GTF3C1: variants seen among roughly 807,000 people sequenced by gnomAD.
GTF3C1 encodes the protein general transcription factor IIIC subunit 1.
In GTF3C1, 57 loss-of-function variants were observed where a neutral mutation model predicts 226.7. The observed-to-expected ratio is 0.25, with a 90% CI of 0.20 to 0.31. The LOEUF (loss-of-function observed/expected upper bound fraction) is 0.31. Ranked by LOEUF, GTF3C1 falls within the 10% of genes least tolerant of loss-of-function variation. The pLI is 1.00. For missense variants in GTF3C1, 2,217 were observed against 2,776.1 expected, an observed-to-expected ratio of 0.80 and a Z score of 4.53; for synonymous variants, 1,090 against 1,084.8, an observed-to-expected ratio of 1.00 and a Z score of -0.09.
chr16:27,529,775 G>A lies in GTF3C1; in HGVS notation c.850-1054C>T, dbSNP rs571227628. The stretch of plus-strand genomic sequence containing the variant: ...CAGTGAACAGAAGCCTTGATCAGCT[G>A]CTCTTCAGCAGGGCCCACCCGGTTC... On this transcript the variant is annotated intron_variant, in intron 5 of 36. Coordinates refer to ENST00000356183, the MANE Select transcript of GTF3C1 (RefSeq NM_001520.4). 5.3e-5 allele frequency among the ~76,000 whole-genome samples: 8 copies of A among 152,196 alleles called. No individual in the cohort carries two copies. In the South Asian group the frequency reaches 1.7e-3, roughly 32 times the overall value.
chr16:27,484,628 G>A lies in GTF3C1; in HGVS notation c.3859-275C>T, dbSNP rs894219211. ...GTGACAAAGGTGCCCAACGGGGCGG[G>A]GGGGAACTGCCTGAAAGGGCGCTGT... On this transcript the variant is annotated intron_variant, in intron 24 of 36. Transcript: ENST00000356183. Among the ~76,000 whole-genome samples, 4 of 152,358 alleles carry A rather than the reference G, an allele frequency of 2.6e-5. No homozygotes were observed. In the East Asian group the frequency reaches 7.7e-4, roughly 29 times the overall value.
At chr16:27,503,424 A>T in intron 10 of GTF3C1, among the ~76,000 whole-genome samples, 1 of 152,196 alleles carries the variant, frequency 6.6e-6, no homozygotes, top group East Asian at 1.9e-4. Flanking sequence ...CCCATTTTAC[A>T]GAAGAAGAAA....
At chr16:27,484,634 A>C (rs77527768) in intron 24 of GTF3C1, among the ~76,000 whole-genome samples, 1 of 152,374 alleles carries the variant, frequency 6.6e-6, no homozygotes, top group African/African-American at 2.4e-5. Context: ...GCGGGGGGGA[A>C]CTGCCTGAAA....
intron 12 of GTF3C1, among the ~76,000 whole-genome samples, chr16:27,500,882 TATTTC>T (rs1259570661): frequency 6.6e-6 from 1 of 152,256 alleles, no homozygotes; most frequent in Admixed American, 6.5e-5. Context: ...ACCTAAATGT[TATTTC>T]ATTTGTCCCT....
chr16:27,542,182 G>A (rs979906083), intron 2 of GTF3C1, among the ~76,000 whole-genome samples: 7 of 152,190 alleles, frequency 4.6e-5, no homozygotes, highest in Admixed American at 3.9e-4. Flanking sequence ...GTGCATGAGA[G>A]TACATCTGAC....
chr16:27,528,122 A>G (rs1159000969), intron 6 of GTF3C1, among the ~76,000 whole-genome samples: 3 of 152,196 alleles, frequency 2.0e-5, no homozygotes, highest in Non-Finnish European at 4.4e-5. Context: ...AAAAATACAA[A>G]AAATTAGCCA....
chr16:27,549,768 G>A lies in GTF3C1; in HGVS notation c.123C>T (p.Pro41=). 1 of 1,612,922 alleles carries A rather than the reference G, an allele frequency of 6.2e-7. No individual in the cohort carries two copies. Among genetic ancestry groups the A allele is most frequent in the East Asian group, 2.2e-5 (1 of 44,870 alleles). The part of the protein sequence containing the change: ...RVPPFPLPLE[P]CTQEFLWRAL... ...CCCGCCAGAGAAACTCCTGCGTGCA[G>A]GGTTCCAAAGGCAGCGGGAAGGGCG... Residue 41 remains proline, a synonymous_variant, in exon 1 of 37, where the codon CCC becomes CCT. Transcript: ENST00000356183.
At position 27,497,673 on chromosome 16, in the gene GTF3C1, C is replaced by A. The variant is rs1368116362; in HGVS notation, c.2314G>T (p.Gly772Cys). ...TGATAATTTCTAAGCGGGGTTATGCCCATTTTATTATCACTTTTTTTCATC... is the reference window on the plus strand; with the variant it reads ...TGATAATTTCTAAGCGGGGTTATGCACATTTTATTATCACTTTTTTTCATC... ...GRMKKSDNKM[G>C]ITPLRNYHPI... is the part of the protein sequence containing the mutation. The change falls in exon 14 of 37, where the codon GGC becomes TGC. Residue 772 changes from glycine to cysteine, a missense_variant. By Grantham distance (159) the Gly-to-Cys change is radical (BLOSUM62 -3). Around this residue, in one of 12 missense-constraint regions of GTF3C1, gnomAD observed 100 missense variants for 139.9 expected, o/e 0.71. Transcript: ENST00000356183. 1 of 1,613,964 alleles carries A rather than the reference C, an allele frequency of 6.2e-7. No homozygotes were observed. Among genetic ancestry groups the A allele is most frequent in the Non-Finnish European group, 8.5e-7 (1 of 1,179,882 alleles).
chr16:27,517,299 C>G (rs566008903), intron 6 of GTF3C1, among the ~76,000 whole-genome samples: 2 of 152,316 alleles, frequency 1.3e-5, no homozygotes, highest in African/African-American at 4.8e-5. Flanking sequence ...ATCCCTCTGG[C>G]TCCTATTTGC....
At chr16:27,530,552 G>T (rs186028725) in intron 5 of GTF3C1, among the ~76,000 whole-genome samples, 1 of 152,232 alleles carries the variant, frequency 6.6e-6, no homozygotes, top group Admixed American at 6.5e-5. Context: ...TCATCTATAG[G>T]CTAATTTATT....
intron 3 of GTF3C1, 76 bp downstream of exon 3, chr16:27,538,104 C>T (rs1052705928): frequency 3.7e-5 from 46 of 1,243,538 alleles, no homozygotes; most frequent in Middle Eastern, 5.5e-4. Flanking sequence ...GAAGATACCA[C>T]AGCAGGCCCC....
intron 2 of GTF3C1, among the ~76,000 whole-genome samples, chr16:27,543,719 G>A (rs1274100154): frequency 6.6e-6 from 1 of 152,156 alleles, no homozygotes; most frequent in East Asian, 1.9e-4. Flanking sequence ...GGAAGTAGGT[G>A]AATCCACAAA....
intron 6 of GTF3C1, among the ~76,000 whole-genome samples, chr16:27,514,756 A>G (rs993379008): frequency 6.6e-6 from 1 of 152,282 alleles, no homozygotes; most frequent in Non-Finnish European, 1.5e-5. Flanking sequence ...TAAGGAGCCA[A>G]GGAATTCACA....
intron 14 of GTF3C1, among the ~76,000 whole-genome samples, chr16:27,497,313 C>G (rs1438824757): frequency 1.3e-5 from 2 of 152,196 alleles, no homozygotes; most frequent in African/African-American, 4.8e-5. Flanking sequence ...AAGAAATTTT[C>G]TGTAGTTTGT....
rs545441316 is a variant in GTF3C1 at position 27,545,649 on chromosome 16, T to C, written c.222-126A>G. The C allele has an allele frequency of 2.6e-5, 17 of 648,196 alleles. No individual in the cohort carries two copies. In the Admixed American group the frequency reaches 4.0e-4, roughly 15 times the overall value. The allele number at this position is 648,196 out of a possible 1,614,324, so 40.2% of individuals were successfully genotyped here. ...GTGAGATCAGTCAGTTTTCCTGCCT[T>C]ATAAATGCAGATAATCTTGACAAGC... On this transcript the variant is annotated intron_variant, in intron 1 of 36. Transcript: ENST00000356183.
In GTF3C1 at chr16:27,495,463, G is replaced by C; in HGVS notation, c.2380C>G (p.Leu794Val). ...VPGLGRSLGF[L>V]PKMPRLRVVH... ...ACCCGCAGGCGAGGCATTTTGGGCAGAAATCCTAGAGAACGCCCCAGTCCG... is the reference window on the plus strand; with the variant it reads ...ACCCGCAGGCGAGGCATTTTGGGCACAAATCCTAGAGAACGCCCCAGTCCG... Residue 794 changes from leucine to valine, a missense_variant, in exon 15 of 37, where the codon CTG becomes GTG. Around this residue, in one of 12 missense-constraint regions of GTF3C1, gnomAD observed 100 missense variants for 139.9 expected, o/e 0.71. Coordinates refer to ENST00000356183, the MANE Select transcript of GTF3C1 (RefSeq NM_001520.4). The C allele has an allele frequency of 1.9e-6, 3 of 1,613,922 alleles. No homozygotes were observed. The highest frequency in any genetic ancestry group is 2.5e-6 in the Non-Finnish European group (3 of 1,179,926).
At chr16:27,525,239 C>T (rs1025804320) in intron 6 of GTF3C1, among the ~76,000 whole-genome samples, 3 of 149,304 alleles carry the variant, frequency 2.0e-5, no homozygotes, top group South Asian at 2.1e-4. Context: ...ACAGTTAAGT[C>T]CCCAGGACAC....
intron 10 of GTF3C1, among the ~76,000 whole-genome samples, chr16:27,504,879 C>T (rs868656958): frequency 2.0e-5 from 3 of 152,086 alleles, no homozygotes; most frequent in South Asian, 4.2e-4. Context: ...TGCAGTGAGC[C>T]GAGCTCGTAC....
At chr16:27,513,859 C>T (rs1281925979) in intron 6 of GTF3C1, among the ~76,000 whole-genome samples, 6 of 152,172 alleles carry the variant, frequency 3.9e-5, no homozygotes, top group Admixed American at 3.9e-4. Flanking sequence ...GGCCCTGGAG[C>T]CCAGCCCTCT....
Sources: gnomAD v4.1 joint callset for allele counts (sites outside exome capture counted in the v4.1 genomes callset) on GRCh38, gnomAD v4.1.1 for gene constraint, gnomAD v4.1.1 regional missense constraint, MANE v1.5 for transcripts, NCBI Gene and HGNC (gene_info 2026-07-23, HGNC 2026-07-21) for gene names.